The following DPF3 variants were observed in gnomAD, a reference collection of about 807,000 sequenced individuals.
DPF3 encodes the protein zinc finger protein DPF3.
In DPF3, 18 loss-of-function variants were observed where a neutral mutation model predicts 56.8. That is an observed-to-expected ratio of 0.32 (90% CI 0.22 to 0.47). The LOEUF (loss-of-function observed/expected upper bound fraction) is 0.47. DPF3 is among the 20% of genes least tolerant of loss of function. The pLI, the probability that DPF3 is intolerant of heterozygous loss-of-function variation, is 1.00. For synonymous variants in DPF3, 188 were observed against 180.2 expected (o/e 1.04, Z -0.35); for missense variants, 403 against 488.8 (o/e 0.82, Z 1.65).
chr14:72,788,553 T>A (rs1042991340), intron 1 of DPF3, among the ~76,000 whole-genome samples: 4 of 152,162 alleles, frequency 2.6e-5, no homozygotes, highest in African/African-American at 9.7e-5. Context: ...AATAATTACC[T>A]TGCAGAGGGT....
At chr14:72,634,621 T>C (rs868826041) in intron 8 of DPF3, among the ~76,000 whole-genome samples, 8 of 152,118 alleles carry the variant, frequency 5.3e-5, no homozygotes, top group Admixed American at 1.3e-4. Flanking sequence ...TCTTAATCTC[T>C]TTTGTAAAGT....
intron 1 of DPF3, chr14:72,836,633 T>C (rs1884309283): frequency 1.5e-6 from 1 of 658,886 alleles, no homozygotes; most frequent in African/African-American, 2.0e-5. Flanking sequence ...TACCCAGTGC[T>C]TAGGAGCCCA....
At chr14:72,851,693 C>A (rs576997632) in intron 1 of DPF3, among the ~76,000 whole-genome samples, 1 of 152,266 alleles carries the variant, frequency 6.6e-6, no homozygotes, top group Admixed American at 6.5e-5. Context: ...ACTAACTTCC[C>A]GAGGGATGAG....
At chr14:72,681,095 C>T (rs1887148986) in intron 7 of DPF3, among the ~76,000 whole-genome samples, 1 of 152,172 alleles carries the variant, frequency 6.6e-6, no homozygotes. Flanking sequence ...ATCCCTGGCC[C>T]CTGGCCAGCA....
At chr14:72,883,768 A>G (rs1266740090) in intron 1 of DPF3, among the ~76,000 whole-genome samples, 1 of 152,048 alleles carries the variant, frequency 6.6e-6, no homozygotes, top group Non-Finnish European at 1.5e-5. Context: ...TCTCTACTGA[A>G]AATACAAAAA....
chr14:72,834,577 C>T (rs1035461353), intron 1 of DPF3, among the ~76,000 whole-genome samples: 1 of 151,508 alleles, frequency 6.6e-6, no homozygotes, highest in African/African-American at 2.4e-5. Flanking sequence ...AGGAACTGGA[C>T]CCCCCATACA....
intron 2 of DPF3, among the ~76,000 whole-genome samples, chr14:72,756,102 G>A (rs901144115): frequency 6.6e-6 from 1 of 152,158 alleles, no homozygotes; most frequent in African/African-American, 2.4e-5. Context: ...CTAGGGCTGG[G>A]GAGGGGACAT....
intron 3 of DPF3, among the ~76,000 whole-genome samples, chr14:72,742,262 CT>C (rs1890154309): frequency 6.6e-6 from 1 of 152,202 alleles, no homozygotes; most frequent in African/African-American, 2.4e-5. Context: ...TCATTTCCCC[CT>C]GATGCACTTG....
intron 1 of DPF3, among the ~76,000 whole-genome samples, chr14:72,805,069 A>ACACACACACAC (rs1599457315): frequency 1.8e-4 from 4 of 22,212 alleles, no homozygotes; most frequent in African/African-American, 5.2e-4. Flanking sequence ...CACACACACA[A>ACACACACACAC]ACACACAGAC....
chr14:72,724,551 C>A (rs1273854834), intron 4 of DPF3, among the ~76,000 whole-genome samples: 1 of 151,936 alleles, frequency 6.6e-6, no homozygotes, highest in Non-Finnish European at 1.5e-5. Flanking sequence ...ACGTCACTCC[C>A]TTTAGAGGAA....
chr14:72,670,158 G>C (rs1017870414), intron 8 of DPF3: 51 of 985,782 alleles, frequency 5.2e-5, no homozygotes, highest in Non-Finnish European at 1.3e-5. Context: ...GTATTGATAC[G>C]TTTCTTAACA....
rs933202070 is a variant in DPF3 at position 72,892,041 on chromosome 14, A to G, written c.32+2016T>C. ...ACACGCACCCTACTGTGATCCAAAAAACCCTGGAGCGAGTAGGGGAACACA... is the reference window on the plus strand; with the variant it reads ...ACACGCACCCTACTGTGATCCAAAAGACCCTGGAGCGAGTAGGGGAACACA... On this transcript the variant is annotated intron_variant, in intron 1 of 10. Transcript: ENST00000556509. 5 of 1,406,202 alleles carry G rather than the reference A, an allele frequency of 3.6e-6. No homozygotes were observed. In the African/African-American group the frequency reaches 7.2e-5, roughly 20 times the overall value. 87.1% of individuals were successfully genotyped at this position (1,406,202 alleles called of 1,614,324 possible). A position where few individuals can be genotyped will look rare whatever the true frequency, so the allele number is the denominator to read the frequency against.
intron 8 of DPF3, among the ~76,000 whole-genome samples, chr14:72,646,869 G>T (rs1203898823): frequency 6.6e-6 from 1 of 152,332 alleles, no homozygotes; most frequent in East Asian, 1.9e-4. Context: ...CAGATTCTCA[G>T]GCCCCAAAGC....
Position 72,810,463 on chromosome 14 carries a change from G to A in DPF3, c.33-38570C>T, listed in dbSNP as rs375256710. Reference sequence around the variant, plus strand: ...TGTACCGAGCTTCCGGGCTGCAGAGGAAGGTGGGCGTGTGTGGGGTTAGTG... The same window carrying A: ...TGTACCGAGCTTCCGGGCTGCAGAGAAAGGTGGGCGTGTGTGGGGTTAGTG... On this transcript the variant is annotated intron_variant, in intron 1 of 10. Coordinates refer to ENST00000556509, the MANE Select transcript of DPF3 (RefSeq NM_001280542.3). Among the ~76,000 whole-genome samples the A allele has an allele frequency of 3.3e-5, 5 of 152,320 alleles. No homozygotes were observed. In the East Asian group the frequency reaches 7.7e-4, roughly 24 times the overall value.
intron 8 of DPF3, among the ~76,000 whole-genome samples, chr14:72,666,572 G>C (rs1599338711): frequency 6.6e-6 from 1 of 152,136 alleles, no homozygotes; most frequent in East Asian, 1.9e-4. Context: ...TTCCTCATCA[G>C]TAAAACGGGA....
At chr14:72,632,337 A>G (rs187749722) in intron 8 of DPF3, among the ~76,000 whole-genome samples, 1 of 152,272 alleles carries the variant, frequency 6.6e-6, no homozygotes, top group East Asian at 1.9e-4. Context: ...ACATCTGAAT[A>G]AAGTCTATGA....
intron 8 of DPF3, chr14:72,671,284 G>A (rs1408838538): frequency 3.1e-6 from 5 of 1,613,980 alleles, no homozygotes; most frequent in Non-Finnish European, 3.4e-6. Flanking sequence ...GTCCTCCGTG[G>A]TACGTGCTGC....
chr14:72,872,150 A>T (rs976535095), intron 1 of DPF3, among the ~76,000 whole-genome samples: 6 of 152,156 alleles, frequency 3.9e-5, no homozygotes, highest in Non-Finnish European at 8.8e-5. Context: ...TCAGCCACAG[A>T]TGGCCCCTGG....
At chr14:72,856,565 C>T (rs566900259) in intron 1 of DPF3, among the ~76,000 whole-genome samples, 2 of 152,188 alleles carry the variant, frequency 1.3e-5, no homozygotes, top group South Asian at 2.1e-4. Flanking sequence ...TAGAAGGACC[C>T]GCTGGAGCAT....
Sources: allele counts gnomAD v4.1 joint callset (sites outside exome capture counted in the v4.1 genomes callset), GRCh38; gene constraint gnomAD v4.1.1; transcripts MANE v1.5; gene names NCBI Gene and HGNC (gene_info 2026-07-23, HGNC 2026-07-21).